The following LRGUK variants were observed in gnomAD, a reference collection of about 807,000 sequenced individuals.
The protein encoded by LRGUK is leucine-rich repeat and guanylate kinase domain-containing protein.
In LRGUK, 65 loss-of-function variants were observed where a neutral mutation model predicts 76.0. The observed-to-expected ratio is 0.85, with a 90% CI of 0.70 to 1.05. The LOEUF is 1.05. LRGUK is among the 50% of genes least tolerant of loss of function. LRGUK has a pLI of 0.00. For synonymous variants in LRGUK, 268 were observed against 265.6 expected, an observed-to-expected ratio of 1.01 and a Z score of -0.09; for missense variants, 758 against 732.8, an observed-to-expected ratio of 1.03 and a Z score of -0.40.
At chr7:134,204,670 A>G (rs547959978) in intron 15 of LRGUK, among the ~76,000 whole-genome samples, 3 of 152,348 alleles carry the variant, frequency 2.0e-5, no homozygotes, top group South Asian at 2.1e-4. Context: ...AAACTTGCAC[A>G]TTGTAGAGGC....
chr7:134,194,917 A>G (rs185521405), intron 12 of LRGUK, among the ~76,000 whole-genome samples: 33 of 152,338 alleles, frequency 2.2e-4, no homozygotes, highest in Admixed American at 2.6e-4. Flanking sequence ...AATAATTCAC[A>G]CAGGGCCAGC....
intron 16 of LRGUK, among the ~76,000 whole-genome samples, chr7:134,222,615 GT>G (rs558394065): frequency 1.4e-4 from 21 of 144,844 alleles, no homozygotes; most frequent in Admixed American, 3.4e-4. Flanking sequence ...TTTTTGTTTT[GT>G]TTTTTTTTTT....
chr7:134,139,390 A>G (rs1797670518), intron 2 of LRGUK, 46 bp from the exon 3 acceptor site: 2 of 1,256,176 alleles, frequency 1.6e-6, no homozygotes, highest in Non-Finnish European at 2.3e-6. Flanking sequence ...GCTGAGTAGT[A>G]ACCTGATAAA....
intron 15 of LRGUK, among the ~76,000 whole-genome samples, chr7:134,218,489 A>C (rs1408368373): frequency 6.6e-6 from 1 of 152,208 alleles, no homozygotes; most frequent in Non-Finnish European, 1.5e-5. Flanking sequence ...AAGAAATCTT[A>C]TTAATGTAGA....
chr7:134,225,365 C>T (rs1429687696), intron 16 of LRGUK, among the ~76,000 whole-genome samples: 3 of 152,162 alleles, frequency 2.0e-5, no homozygotes, highest in African/African-American at 7.2e-5. Context: ...TCCTTGCCTG[C>T]AGTGCCCCTC....
rs576737271 is a variant in LRGUK, at chr7:134,201,637, C to T, written c.1843+61C>T. 8 of 1,253,014 alleles carry T rather than the reference C, an allele frequency of 6.4e-6. No individual in the cohort carries two copies. In the African/African-American group the frequency reaches 9.0e-5, roughly 14 times the overall value. The allele number at this position is 1,253,014 out of a possible 1,614,324, so 77.6% of individuals were successfully genotyped here. A position where few individuals can be genotyped will look rare whatever the true frequency, so the allele number is the denominator to read the frequency against. Reference sequence around the variant, plus strand: ...TTTTTTCATGGAAAGGAAAACAAATCTGAGTTGCTATTTGGGTACTCATCA... The same window carrying T: ...TTTTTTCATGGAAAGGAAAACAAATTTGAGTTGCTATTTGGGTACTCATCA... On this transcript the variant is annotated intron_variant, in intron 15 of 15. Coordinates refer to ENST00000645682, the Ensembl canonical transcript of LRGUK.
At chr7:134,176,227 G>A (rs1799473155) in intron 8 of LRGUK, among the ~76,000 whole-genome samples, 4 of 152,128 alleles carry the variant, frequency 2.6e-5, no homozygotes, top group Admixed American at 2.6e-4. Context: ...GGCCTGTCAG[G>A]GGCGGGAGGA....
chr7:134,227,722 C>G (rs1801797974), intron 16 of LRGUK, among the ~76,000 whole-genome samples: 1 of 151,974 alleles, frequency 6.6e-6, no homozygotes, highest in Non-Finnish European at 1.5e-5. Context: ...TAAAAAATAA[C>G]TAAATTGAAA....
intron 17 of LRGUK, among the ~76,000 whole-genome samples, chr7:134,248,568 G>C (rs1585599993): frequency 6.6e-6 from 1 of 152,150 alleles, no homozygotes; most frequent in East Asian, 1.9e-4. Context: ...ATTTTACTTG[G>C]ATACCATTTC....
At chr7:134,162,142 A>G (rs1585467959) in intron 6 of LRGUK, among the ~76,000 whole-genome samples, 1 of 152,102 alleles carries the variant, frequency 6.6e-6, no homozygotes, top group Non-Finnish European at 1.5e-5. Context: ...ATAACAAGCC[A>G]CCCCAGTTGT....
chr7:134,213,709 C>G (rs762638065), downstream of LRGUK, among the ~76,000 whole-genome samples: 1 of 152,006 alleles, frequency 6.6e-6, no homozygotes, highest in Non-Finnish European at 1.5e-5. Context: ...TTCCTAATGT[C>G]TCAGATTCAG....
intron 16 of LRGUK, among the ~76,000 whole-genome samples, chr7:134,230,005 A>G (rs1801854323): frequency 6.6e-6 from 1 of 152,196 alleles, no homozygotes; most frequent in Non-Finnish European, 1.5e-5. Flanking sequence ...CACAAAAAGC[A>G]TTCATTATGA....
chr7:134,206,229 C>T (rs767743521), intron 15 of LRGUK, among the ~76,000 whole-genome samples: 1 of 152,140 alleles, frequency 6.6e-6, no homozygotes, highest in Non-Finnish European at 1.5e-5. Flanking sequence ...ATTTAAAATA[C>T]ATATCAGCCA....
chr7:134,209,903 C>G (rs934043997), exon 16 of LRGUK: 5 of 399,102 alleles, frequency 1.3e-5, no homozygotes, highest in African/African-American at 8.2e-5. Context: ...AGTGAGGCTC[C>G]CTCGCATTCC....
chr7:134,187,923 A>G (rs766584477), intron 11 of LRGUK, among the ~76,000 whole-genome samples: 4 of 152,216 alleles, frequency 2.6e-5, no homozygotes, highest in African/African-American at 4.8e-5. Flanking sequence ...TTTCATTTTT[A>G]GCATTATAAT....
At chr7:134,270,781 T>C in the LRGUK span, among the ~76,000 whole-genome samples, 1 of 152,142 alleles carries the variant, frequency 6.6e-6, no homozygotes, top group African/African-American at 2.4e-5. Context: ...TTTCTGTTGG[T>C]GAATGCTAAA....
At chr7:134,198,210 T>C (rs1800596030) in intron 13 of LRGUK, among the ~76,000 whole-genome samples, 1 of 152,228 alleles carries the variant, frequency 6.6e-6, no homozygotes, top group African/African-American at 2.4e-5. Flanking sequence ...GTTTCTATAA[T>C]AACTAGCAAA....
intron 5 of LRGUK, among the ~76,000 whole-genome samples, chr7:134,149,277 A>C (rs555369425): frequency 1.4e-4 from 22 of 152,218 alleles, no homozygotes; most frequent in African/African-American, 5.1e-4. Context: ...TCTTCTTCAC[A>C]CCAGAGACTG....
At chr7:134,137,520 T>G (rs1797586310) in intron 2 of LRGUK, among the ~76,000 whole-genome samples, 1 of 152,148 alleles carries the variant, frequency 6.6e-6, no homozygotes, top group African/African-American at 2.4e-5. Context: ...AACAAAGTAT[T>G]TTGATATTGA....
Sources: allele counts gnomAD v4.1 joint callset (sites outside exome capture counted in the v4.1 genomes callset), GRCh38; gene constraint gnomAD v4.1.1; transcripts MANE v1.5; gene names NCBI Gene and HGNC (gene_info 2026-07-23, HGNC 2026-07-21).